Variants in FNIP1 observed in about 807,000 individuals in gnomAD.
FNIP1 encodes folliculin-interacting protein 1.
FNIP1 carries 40 observed loss-of-function variants against 124.5 expected under a neutral mutation model. The observed-to-expected ratio is 0.32, with a 90% confidence interval of 0.25 to 0.42. The LOEUF is 0.42. FNIP1 is among the 10% of genes least tolerant of loss of function. The pLI, the probability that FNIP1 is intolerant of heterozygous loss-of-function variation, is 1.00. For missense variants in FNIP1, 1,176 were observed against 1,403.7 expected, an observed-to-expected ratio of 0.84 and a Z score of 2.59; for synonymous variants, 472 against 470.6, an observed-to-expected ratio of 1.00 and a Z score of -0.04.
intron 1 of FNIP1, among the ~76,000 whole-genome samples, chr5:131,747,832 C>T (rs912072326): frequency 6.6e-6 from 1 of 152,088 alleles, no homozygotes; most frequent in Non-Finnish European, 1.5e-5. Context: ...AATGACACAT[C>T]TGAACATGTT....
At position 131,671,551 on chromosome 5, in the gene FNIP1, C is replaced by T. The variant is rs1367976434; in HGVS notation, c.2893G>A (p.Gly965Arg). ...TCTTCTGCCCAATCTTCTTGCTCTCCTCCATAATAACTGCTAACTTGTCTA... is the reference window on the plus strand; with the variant it reads ...TCTTCTGCCCAATCTTCTTGCTCTCTTCCATAATAACTGCTAACTTGTCTA... ...MTRQVSSYYG[G>R]EQEDWAEEDE... Residue 965 changes from glycine to arginine, a missense_variant, in exon 14 of 18, where the codon GGA becomes AGA. Physicochemically the swap from Gly to Arg is moderately radical, Grantham distance 125. Transcript: ENST00000510461. 5 of 1,612,970 alleles carry T rather than the reference C, an allele frequency of 3.1e-6. No homozygotes were observed. The South Asian group carries it at 4.4e-5, about 14-fold the overall frequency.
At chr5:131,682,952 T>C (rs528620294) in intron 11 of FNIP1, among the ~76,000 whole-genome samples, 39 of 151,084 alleles carry the variant, frequency 2.6e-4, no homozygotes, top group African/African-American at 7.6e-4. Context: ...CTAGGGTCTA[T>C]ATAAAAATCT....
At chr5:131,748,595 G>A (rs551819603) in intron 1 of FNIP1, among the ~76,000 whole-genome samples, 135 of 151,132 alleles carry the variant, frequency 8.9e-4, no homozygotes, top group African/African-American at 3.2e-3. Flanking sequence ...TACTCAGGAG[G>A]CTGAGGCAGG....
chr5:131,789,304 T>C (rs1185444431), intron 1 of FNIP1, among the ~76,000 whole-genome samples: 2 of 152,180 alleles, frequency 1.3e-5, no homozygotes, highest in East Asian at 3.9e-4. Context: ...TAAAATAAAT[T>C]AAGTAAAATA....
intron 11 of FNIP1, among the ~76,000 whole-genome samples, chr5:131,687,704 C>A (rs975791404): frequency 6.6e-6 from 1 of 152,104 alleles, no homozygotes; most frequent in African/African-American, 2.4e-5. Context: ...GAAGCAGAAG[C>A]CTTTGGAGCC....
At chr5:131,696,052 T>G (rs1768680082) in intron 11 of FNIP1, among the ~76,000 whole-genome samples, 1 of 152,212 alleles carries the variant, frequency 6.6e-6, no homozygotes, top group South Asian at 2.1e-4. Context: ...ACATTTATAT[T>G]AAAACAATAC....
chr5:131,672,580 C>T lies in FNIP1; in HGVS notation c.1864G>A (p.Val622Ile), dbSNP rs548271539. Residue 622 changes from valine to isoleucine, a missense_variant, in exon 14 of 18, where the codon GTA becomes ATA. Val to Ile is a conservative substitution (Grantham distance 29, BLOSUM62 3). This residue lies in a region of FNIP1 where 1,109 missense variants were observed against 1,288.5 expected (regional missense o/e 0.86). Coordinates refer to ENST00000510461, the MANE Select transcript of FNIP1 (RefSeq NM_133372.3). ...YCSHPLLGQN[V>I]ENISQQERED... Reference sequence around the variant, plus strand: ...CTCTCTTGTTGTGAAATGTTCTCTACATTTTGCCCAAGGAGTGGATGACTG... The same window carrying T: ...CTCTCTTGTTGTGAAATGTTCTCTATATTTTGCCCAAGGAGTGGATGACTG... 14 of 1,614,154 alleles carry T rather than the reference C, an allele frequency of 8.7e-6. No individual in the cohort carries two copies. In the East Asian group the frequency reaches 2.9e-4, roughly 33 times the overall value.
intron 1 of FNIP1, among the ~76,000 whole-genome samples, chr5:131,748,925 A>C (rs996190442): frequency 8.5e-5 from 13 of 152,112 alleles, no homozygotes; most frequent in Non-Finnish European, 1.9e-4. Flanking sequence ...CAAGATGTGG[A>C]GATGGAAGAT....
intron 11 of FNIP1, among the ~76,000 whole-genome samples, chr5:131,687,042 T>C (rs532451928): frequency 4.9e-4 from 73 of 149,482 alleles, no homozygotes; most frequent in Middle Eastern, 3.5e-3. Flanking sequence ...AAAGCATAGG[T>C]TTATGATGTA....
intron 11 of FNIP1, among the ~76,000 whole-genome samples, chr5:131,693,821 A>G (rs1200918709): frequency 6.6e-6 from 1 of 152,110 alleles, no homozygotes; most frequent in Non-Finnish European, 1.5e-5. Flanking sequence ...AAATCTGACA[A>G]AGAACTGGTA....
At chr5:131,790,205 T>C (rs1772358545) in intron 1 of FNIP1, among the ~76,000 whole-genome samples, 1 of 152,086 alleles carries the variant, frequency 6.6e-6, no homozygotes, top group Non-Finnish European at 1.5e-5. Context: ...CTATAATGGA[T>C]ATAAAGTGTG....
chr5:131,716,077 CTAAA>C (rs1353697481), intron 6 of FNIP1, among the ~76,000 whole-genome samples: 1 of 152,098 alleles, frequency 6.6e-6, no homozygotes, highest in African/African-American at 2.4e-5. Context: ...AACCAAAGTA[CTAAA>C]TAAATTGTTA....
At chr5:131,731,578 T>C (rs1009119560) in intron 2 of FNIP1, among the ~76,000 whole-genome samples, 2 of 150,832 alleles carry the variant, frequency 1.3e-5, no homozygotes, top group Non-Finnish European at 3.0e-5. Flanking sequence ...CTTTTGAACC[T>C]GGGAAGTGAG....
At chr5:131,650,827 G>A (rs1767017472) in intron 16 of FNIP1, among the ~76,000 whole-genome samples, 1 of 152,194 alleles carries the variant, frequency 6.6e-6, no homozygotes, top group Non-Finnish European at 1.5e-5. Context: ...CCTAATAAGT[G>A]AAAGAAAGAA....
At chr5:131,732,719 T>C (rs549949905) in intron 2 of FNIP1, among the ~76,000 whole-genome samples, 1 of 152,214 alleles carries the variant, frequency 6.6e-6, no homozygotes, top group Admixed American at 6.5e-5. Context: ...CCATGCTGTT[T>C]TGGTTACTGT....
chr5:131,719,674 G>A (rs1249732758), intron 3 of FNIP1, among the ~76,000 whole-genome samples: 1 of 152,118 alleles, frequency 6.6e-6, no homozygotes, highest in East Asian at 1.9e-4. Flanking sequence ...ACTACAGTTT[G>A]TCAGACCAGT....
chr5:131,768,839 C>T (rs192666678), intron 1 of FNIP1, among the ~76,000 whole-genome samples: 12 of 152,128 alleles, frequency 7.9e-5, no homozygotes, highest in African/African-American at 2.9e-4. Context: ...AAACAATGTA[C>T]CTAAATTAGT....
chr5:131,754,299 C>T (rs7736580), intron 1 of FNIP1, among the ~76,000 whole-genome samples: 1 of 152,130 alleles, frequency 6.6e-6, no homozygotes, highest in Non-Finnish European at 1.5e-5. Context: ...ATTTTATCAA[C>T]GTGATACATG....
At chr5:131,671,360 T>C in intron 14 of FNIP1, 145 bp downstream of exon 14, 3 of 696,430 alleles carry the variant, frequency 4.3e-6, no homozygotes, top group Admixed American at 6.4e-5. Flanking sequence ...TAGCCTTTAC[T>C]CCTTCTTATG....
Sources: gnomAD v4.1 joint callset for allele counts (sites outside exome capture counted in the v4.1 genomes callset) on GRCh38, gnomAD v4.1.1 for gene constraint, gnomAD v4.1.1 regional missense constraint, MANE v1.5 for transcripts, NCBI Gene and HGNC (gene_info 2026-07-23, HGNC 2026-07-21) for gene names.